The following BEND7 variants were observed in gnomAD, a reference collection of about 807,000 sequenced individuals.
The protein encoded by BEND7 is BEN domain-containing protein 7.
BEND7 carries 28 observed loss-of-function variants against 50.9 expected under a neutral mutation model. The observed-to-expected ratio is 0.55, with a 90% CI of 0.41 to 0.75. BEND7 has a LOEUF of 0.75. BEND7 is among the 30% of genes least tolerant of loss of function. The pLI is 0.00. For missense variants in BEND7, 477 were observed against 491.3 expected, an observed-to-expected ratio of 0.97 and a Z score of 0.28; for synonymous variants, 170 against 183.9, an observed-to-expected ratio of 0.92 and a Z score of 0.61.
chr10:13,439,034 C>T, downstream of BEND7: 2 of 846,274 alleles, frequency 2.4e-6, no homozygotes, highest in Non-Finnish European at 3.7e-6. Flanking sequence ...TCAGTCCACT[C>T]TTGCTGGGCA....
At chr10:13,505,588 C>G (rs568215951) in intron 2 of BEND7, among the ~76,000 whole-genome samples, 5 of 152,352 alleles carry the variant, frequency 3.3e-5, no homozygotes, top group African/African-American at 1.2e-4. Context: ...TCACACTGTG[C>G]TTGTGCCATT....
chr10:13,484,030 C>T (rs1473691099), intron 5 of BEND7, among the ~76,000 whole-genome samples: 1 of 152,212 alleles, frequency 6.6e-6, no homozygotes, highest in African/African-American at 2.4e-5. Flanking sequence ...CCACTTTCTA[C>T]TGCCAAATAC....
intron 2 of BEND7, among the ~76,000 whole-genome samples, chr10:13,517,030 C>T (rs2078731240): frequency 6.7e-6 from 1 of 149,586 alleles, no homozygotes. Flanking sequence ...ATAAATTAAG[C>T]AAGCATTTGT....
At position 13,528,520 on chromosome 10, in the gene BEND7, T is replaced by C. The variant is rs2079565759; in HGVS notation, c.14A>G (p.Glu5Gly). MEFS[E>G]RKRSRKSQSF... The stretch of plus-strand genomic sequence containing the variant: ...CTGGGATTTCCTGCTTCTTTTCCTC[T>C]CGGAGAACTCCATGGTGCGGGGAAG... Residue 5 changes from glutamate to glycine, a missense_variant, in exon 1 of 9, where the codon GAG becomes GGG. Glu to Gly is a moderately conservative substitution (Grantham distance 98, BLOSUM62 -2). Around this residue, in one of 3 missense-constraint regions of BEND7, gnomAD observed 396 missense variants for 384.2 expected, o/e 1.03. Coordinates refer to ENST00000466271, the MANE Select transcript of BEND7 (RefSeq NM_001369863.1). 1 of 1,037,090 alleles carries C rather than the reference T, an allele frequency of 9.6e-7. No homozygotes were observed. The highest frequency in any genetic ancestry group is 3.2e-5 in the South Asian group (1 of 30,912). 64.2% of individuals were successfully genotyped at this position (1,037,090 alleles called of 1,614,324 possible).
At chr10:13,440,586 G>A (rs1024263951), downstream of BEND7, among the ~76,000 whole-genome samples, 4 of 152,212 alleles carry the variant, frequency 2.6e-5, no homozygotes, top group African/African-American at 9.6e-5. Context: ...GGTGCGGCCC[G>A]CTCAGAGCAG....
At chr10:13,507,524 A>G (rs79673292) in intron 2 of BEND7, among the ~76,000 whole-genome samples, 1,910 of 152,348 alleles carry the variant, frequency 0.013, 15 homozygotes, top group Middle Eastern at 0.024. Context: ...AGGAACAAGG[A>G]AAGATGAAGG....
At chr10:13,500,739 G>A in intron 2 of BEND7, 3 of 985,586 alleles carry the variant, frequency 3.0e-6, no homozygotes, top group Non-Finnish European at 3.6e-6. Context: ...TGGCAAGCGA[G>A]GGGGTTTTGT....
chr10:13,528,954 CGCGGCGGCGGCG>C lies in BEND7; in HGVS notation c.-433_-422del, dbSNP rs925363967. Reference sequence around the variant, plus strand: ...GGCCCGCCTGGGCTCAGCCTGCGGTCGCGGCGGCGGCGGCGGCGGCCCCGAAGACGCGGCGGG... The same window carrying C: ...GGCCCGCCTGGGCTCAGCCTGCGGTCGCGGCGGCCCCGAAGACGCGGCGGG... On this transcript the variant is annotated 5_prime_UTR_variant, in exon 1 of 9. Coordinates refer to ENST00000466271, the MANE Select transcript of BEND7 (RefSeq NM_001369863.1). 2 of 138,438 alleles carry C rather than the reference CGCGGCGGCGGCG, an allele frequency of 1.4e-5. No homozygotes were observed. The highest frequency in any genetic ancestry group is 5.3e-5 in the African/African-American group (2 of 38,038). 8.6% of individuals were successfully genotyped at this position (138,438 alleles called of 1,614,324 possible). A position where few individuals can be genotyped will look rare whatever the true frequency, so the allele number is the denominator to read the frequency against.
At chr10:13,514,887 G>T (rs1053575983) in intron 2 of BEND7, among the ~76,000 whole-genome samples, 1 of 152,142 alleles carries the variant, frequency 6.6e-6, no homozygotes, top group African/African-American at 2.4e-5. Context: ...CTTCTGTGGG[G>T]TTCTTTACAT....
At chr10:13,512,901 G>T (rs2078377401) in intron 2 of BEND7, among the ~76,000 whole-genome samples, 1 of 151,870 alleles carries the variant, frequency 6.6e-6, no homozygotes, top group South Asian at 2.1e-4. Flanking sequence ...CCTTCCCTGA[G>T]TGAGTCTCGT....
At chr10:13,481,185 C>T in intron 5 of BEND7, 61 bp from the exon 6 acceptor site, 1 of 1,499,010 alleles carries the variant, frequency 6.7e-7, no homozygotes, top group Non-Finnish European at 9.1e-7. Flanking sequence ...ACTTTGGGTA[C>T]ATGAGCAACA....
At chr10:13,451,630 T>G (rs1219978121) in intron 7 of BEND7, among the ~76,000 whole-genome samples, 1 of 152,218 alleles carries the variant, frequency 6.6e-6, no homozygotes, top group East Asian at 1.9e-4. Flanking sequence ...TTAATTGTAC[T>G]TTAAGTTTTA....
chr10:13,529,266 C>T (rs370041672), upstream of BEND7, among the ~76,000 whole-genome samples: 4 of 150,570 alleles, frequency 2.7e-5, no homozygotes, highest in South Asian at 4.2e-4. Context: ...CGCTCGCAGA[C>T]CCCGCTCGCT....
intron 2 of BEND7, among the ~76,000 whole-genome samples, chr10:13,501,777 C>G (rs1564380057): frequency 6.6e-6 from 1 of 151,474 alleles, no homozygotes; most frequent in Non-Finnish European, 1.5e-5. Flanking sequence ...GCCCCGGAGG[C>G]AGAGGTTGCA....
intron 1 of BEND7, 47 bp downstream of exon 1, chr10:13,528,426 G>GGGCGC (rs1370425305): frequency 1.0e-6 from 1 of 954,408 alleles, no homozygotes; most frequent in Admixed American, 6.2e-5. Flanking sequence ...GGGCGGCCGA[G>GGGCGC]GGCGCGGCGC....
chr10:13,486,507 C>T (rs1476533245), intron 5 of BEND7, among the ~76,000 whole-genome samples: 1 of 152,158 alleles, frequency 6.6e-6, no homozygotes, highest in Non-Finnish European at 1.5e-5. Flanking sequence ...TGCTCGTGTC[C>T]TACGTCAAGG....
intron 2 of BEND7, among the ~76,000 whole-genome samples, chr10:13,504,950 C>G (rs1382079228): frequency 6.6e-6 from 1 of 152,144 alleles, no homozygotes; most frequent in African/African-American, 2.4e-5. Context: ...CATGTGAGGG[C>G]AACACAGAAG....
intron 8 of BEND7, chr10:13,445,569 TAAAAG>T (rs1324228298): frequency 6.6e-6 from 1 of 152,072 alleles, no homozygotes. Context: ...TCCTGTAAAA[TAAAAG>T]GACTGGATAA....
chr10:13,498,071 CTTTTT>C (rs67255529), intron 3 of BEND7, among the ~76,000 whole-genome samples: 48 of 109,844 alleles, frequency 4.4e-4, no homozygotes, highest in Non-Finnish European at 6.1e-4. Context: ...ATTTCTTTTT[CTTTTT>C]TTTTTTTTTT....
Sources: gnomAD v4.1 joint callset for allele counts (sites outside exome capture counted in the v4.1 genomes callset) on GRCh38, gnomAD v4.1.1 for gene constraint, gnomAD v4.1.1 regional missense constraint, MANE v1.5 for transcripts, NCBI Gene and HGNC (gene_info 2026-07-23, HGNC 2026-07-21) for gene names.